Variants in KIAA1328 observed in about 807,000 individuals in gnomAD.
KIAA1328 encodes the protein KIAA1328, also known as protein hinderin.
A neutral mutation model predicts 68.1 loss-of-function variants in KIAA1328; 52 were observed. The observed-to-expected ratio is 0.76, with a 90% CI of 0.61 to 0.96. The LOEUF (loss-of-function observed/expected upper bound fraction) is 0.96. KIAA1328 is among the 40% of genes least tolerant of loss of function. The pLI is 0.00. For missense variants in KIAA1328, 641 were observed against 677.6 expected (o/e 0.95, Z 0.60); for synonymous variants, 232 against 239.4 (o/e 0.97, Z 0.28).
At chr18:37,077,733 T>C (rs1426412571) in intron 7 of KIAA1328, among the ~76,000 whole-genome samples, 1 of 137,540 alleles carries the variant, frequency 7.3e-6, no homozygotes, top group Non-Finnish European at 1.5e-5. Context: ...TCACAATTGC[T>C]TCAAAGAGAA....
At chr18:36,830,924 T>G (rs1004030563) in intron 1 of KIAA1328, among the ~76,000 whole-genome samples, 4 of 152,218 alleles carry the variant, frequency 2.6e-5, no homozygotes, top group African/African-American at 9.6e-5. Context: ...AATGACCAGT[T>G]AACATCGAGC....
chr18:37,098,152 A>G (rs536832921), intron 7 of KIAA1328, among the ~76,000 whole-genome samples: 5 of 152,326 alleles, frequency 3.3e-5, no homozygotes, highest in Admixed American at 6.5e-5. Flanking sequence ...GTCTTGTGCC[A>G]GTTTTCAAAG....
intron 9 of KIAA1328, among the ~76,000 whole-genome samples, chr18:37,220,191 G>A (rs1599633755): frequency 6.6e-6 from 1 of 152,200 alleles, no homozygotes; most frequent in East Asian, 1.9e-4. Flanking sequence ...CATACATGTT[G>A]GAATTTAATT....
chr18:36,930,927 A>G (rs1439198777), intron 5 of KIAA1328, among the ~76,000 whole-genome samples: 1 of 152,122 alleles, frequency 6.6e-6, no homozygotes, highest in Non-Finnish European at 1.5e-5. Flanking sequence ...CATAGCAACT[A>G]ATAATAATTG....
intron 4 of KIAA1328, among the ~76,000 whole-genome samples, chr18:36,880,792 T>C (rs553156967): frequency 5.4e-4 from 82 of 152,324 alleles, no homozygotes; most frequent in African/African-American, 2.0e-3. Context: ...TGTAAATAGA[T>C]TGAATTTTGA....
chr18:37,114,444 C>T (rs148326679), intron 7 of KIAA1328, among the ~76,000 whole-genome samples: 1 of 152,110 alleles, frequency 6.6e-6, no homozygotes, highest in Admixed American at 6.6e-5. Flanking sequence ...AGAAATAAAG[C>T]TATTCTTTGA....
chr18:37,187,286 G>A (rs1199378166), intron 9 of KIAA1328, among the ~76,000 whole-genome samples: 2 of 152,168 alleles, frequency 1.3e-5, no homozygotes, highest in South Asian at 2.1e-4. Context: ...TGTTGTACGT[G>A]AGAGGCTGTT....
rs187887925 is a variant in KIAA1328, at chr18:36,900,968, T to C, written c.448+15296T>C. On this transcript the variant is annotated intron_variant, in intron 5 of 9. Coordinates refer to ENST00000280020, the MANE Select transcript of KIAA1328 (RefSeq NM_020776.3). The stretch of plus-strand genomic sequence containing the variant: ...ATAAAACTTCCACGGTTAAATGTTA[T>C]AATCTGGTTGTCTCTTCAAAATGCT... Among the ~76,000 whole-genome samples, 343 of 152,214 alleles carry C rather than the reference T, an allele frequency of 2.3e-3. 2 individuals carry two copies. The highest frequency in any genetic ancestry group is 7.9e-3 in the African/African-American group (330 of 41,564).
At chr18:37,046,902 G>A (rs1043782711) in intron 6 of KIAA1328, among the ~76,000 whole-genome samples, 2 of 152,158 alleles carry the variant, frequency 1.3e-5, no homozygotes, top group Admixed American at 6.5e-5. Context: ...AGGCCAAGAC[G>A]GGTGGATCAC....
Position 37,082,474 on chromosome 18 carries a change from A to G in KIAA1328, c.1232+14929A>G, listed in dbSNP as rs557793093. ...GGCGTGAGCCACCCCGCCCGGCCCC[A>G]GGGAATTTCACTTCAACTAAATTCA... On this transcript the variant is annotated intron_variant, in intron 7 of 9. Transcript: ENST00000280020. 9.6e-4 allele frequency among the ~76,000 whole-genome samples: 146 copies of G among 152,210 alleles called. 5 individuals carry two copies. In the South Asian group the frequency reaches 0.028, roughly 29 times the overall value.
chr18:36,863,768 A>T (rs978702058), intron 4 of KIAA1328, among the ~76,000 whole-genome samples: 12 of 152,148 alleles, frequency 7.9e-5, no homozygotes, highest in African/African-American at 2.9e-4. Flanking sequence ...TCTTTGGTGC[A>T]ATTGTAAAAG....
chr18:37,203,125 GA>G (rs2060145545), intron 9 of KIAA1328, among the ~76,000 whole-genome samples: 1 of 150,026 alleles, frequency 6.7e-6, no homozygotes, highest in Non-Finnish European at 1.5e-5. Context: ...AATGCTGTAT[GA>G]AAATCATATT....
intron 6 of KIAA1328, among the ~76,000 whole-genome samples, chr18:37,013,582 T>C (rs1255115500): frequency 3.3e-5 from 5 of 152,182 alleles, no homozygotes; most frequent in Admixed American, 1.3e-4. Context: ...CACTTATAAA[T>C]GAGAACATGT....
intron 5 of KIAA1328, among the ~76,000 whole-genome samples, chr18:36,888,165 T>G (rs563694357): frequency 6.6e-6 from 1 of 152,288 alleles, no homozygotes; most frequent in East Asian, 1.9e-4. Flanking sequence ...CCTCATGATT[T>G]AACTCGGGGG....
intron 6 of KIAA1328, among the ~76,000 whole-genome samples, chr18:36,971,756 C>G (rs1426714506): frequency 6.6e-6 from 1 of 152,094 alleles, no homozygotes; most frequent in Non-Finnish European, 1.5e-5. Flanking sequence ...CCTTAGCAAA[C>G]TAACAGGAAC....
chr18:37,086,886 C>T (rs965987802), intron 7 of KIAA1328, among the ~76,000 whole-genome samples: 2 of 152,134 alleles, frequency 1.3e-5, no homozygotes, highest in African/African-American at 2.4e-5. Context: ...GCATAAGTTA[C>T]ACCTTTTTCC....
intron 9 of KIAA1328, among the ~76,000 whole-genome samples, chr18:37,189,617 C>T (rs571955176): frequency 1.3e-5 from 2 of 152,268 alleles, no homozygotes; most frequent in South Asian, 4.1e-4. Flanking sequence ...AGCCCATGGT[C>T]CCCAAGTCAG....
At chr18:36,863,225 CTT>C (rs2150896502) in intron 4 of KIAA1328, among the ~76,000 whole-genome samples, 1 of 151,168 alleles carries the variant, frequency 6.6e-6, no homozygotes, top group Admixed American at 6.6e-5. Flanking sequence ...TTTGAGTTAA[CTT>C]TTGAATAACA....
intron 8 of KIAA1328, among the ~76,000 whole-genome samples, chr18:37,166,335 C>G (rs2059388508): frequency 6.6e-6 from 1 of 152,162 alleles, no homozygotes; most frequent in African/African-American, 2.4e-5. Flanking sequence ...CCAAGCTTTT[C>G]CCAACCCGCA....
Sources: allele counts gnomAD v4.1 joint callset (sites outside exome capture counted in the v4.1 genomes callset), GRCh38; gene constraint gnomAD v4.1.1; transcripts MANE v1.5; gene names NCBI Gene and HGNC (gene_info 2026-07-23, HGNC 2026-07-21).